Variants in SLC39A11 observed in about 807,000 individuals in gnomAD.
SLC39A11 encodes solute carrier family 39 member 11, also known as zinc transporter ZIP11.
In SLC39A11, 33 loss-of-function variants were observed where a neutral mutation model predicts 36.1. The ratio of observed to expected loss-of-function variants is 0.91; its 90% CI spans 0.69 to 1.22. The LOEUF (loss-of-function observed/expected upper bound fraction) is 1.22. Among genes scored for constraint, SLC39A11 ranks in the 50% most tolerant of loss-of-function variants. The pLI is 0.00. For missense variants in SLC39A11, 432 were observed against 430.3 expected, an observed-to-expected ratio of 1.00 and a Z score of -0.03; for synonymous variants, 166 against 170.3, an observed-to-expected ratio of 0.97 and a Z score of 0.20.
rs188622069 is a variant in SLC39A11, at chr17:73,091,358, C to T, written c.-12+1253G>A. ...CTCGGGAGGCTGAGGCAGGAGTAAT[C>T]GCTTGAACCCGGGAGGCGGAGGTTG... On this transcript the variant is annotated intron_variant, in intron 1 of 9. Transcript: ENST00000255559. Among the ~76,000 whole-genome samples the T allele has an allele frequency of 8.7e-3, 1,323 of 152,114 alleles. 14 individuals are homozygous for T. The highest frequency in any genetic ancestry group is 0.013 in the Non-Finnish European group (882 of 67,986).
intron 3 of SLC39A11, chr17:73,068,089 A>T: frequency 6.9e-7 from 1 of 1,442,626 alleles, no homozygotes; most frequent in South Asian, 1.1e-5. Context: ...TTGTTTTCAT[A>T]ATAGGAGTAT....
At chr17:72,766,279 T>C (rs1389225943) in intron 6 of SLC39A11, among the ~76,000 whole-genome samples, 1 of 152,162 alleles carries the variant, frequency 6.6e-6, no homozygotes, top group Non-Finnish European at 1.5e-5. Flanking sequence ...TAAGTTGCGC[T>C]ATGGGTGGAA....
intron 4 of SLC39A11, among the ~76,000 whole-genome samples, chr17:72,971,024 G>A (rs957122446): frequency 3.3e-5 from 5 of 152,094 alleles, no homozygotes; most frequent in Admixed American, 6.5e-5. Context: ...TTCCTTATGC[G>A]GCCGGATGTT....
intron 4 of SLC39A11, among the ~76,000 whole-genome samples, chr17:73,020,999 G>C (rs948082453): frequency 4.6e-5 from 7 of 152,002 alleles, no homozygotes; most frequent in Non-Finnish European, 8.8e-5. Flanking sequence ...ACAATGCTTT[G>C]GCTTTCCAGT....
chr17:72,821,117 G>T (rs1375392053), intron 6 of SLC39A11, among the ~76,000 whole-genome samples: 1 of 150,800 alleles, frequency 6.6e-6, no homozygotes, highest in Non-Finnish European at 1.5e-5. Flanking sequence ...TTGGAAACTG[G>T]GTGGTTCGCA....
chr17:73,088,796 G>T (rs1417054279), intron 1 of SLC39A11, 21 bp from the exon 2 acceptor site: 2 of 1,546,974 alleles, frequency 1.3e-6, no homozygotes, highest in African/African-American at 1.4e-5. Flanking sequence ...GGAGCGAGAG[G>T]GTCAGCCACC....
At chr17:72,766,504 T>C (rs1170746532) in intron 6 of SLC39A11, among the ~76,000 whole-genome samples, 1 of 152,218 alleles carries the variant, frequency 6.6e-6, no homozygotes, top group Non-Finnish European at 1.5e-5. Flanking sequence ...TCCTGGCTTG[T>C]AGCCACCTGG....
At chr17:72,670,675 C>G (rs916696974) in intron 7 of SLC39A11, among the ~76,000 whole-genome samples, 4 of 152,200 alleles carry the variant, frequency 2.6e-5, no homozygotes, top group Non-Finnish European at 5.9e-5. Context: ...ATTGTTCCAG[C>G]TTTGGCCATT....
intron 6 of SLC39A11, among the ~76,000 whole-genome samples, chr17:72,790,366 C>T (rs1182830531): frequency 6.6e-6 from 1 of 152,174 alleles, no homozygotes; most frequent in East Asian, 1.9e-4. Flanking sequence ...CAGTGCTCAT[C>T]TGAACAACAA....
In SLC39A11 at chr17:73,084,854, T is replaced by G. The variant is rs1383000699; in HGVS notation, c.109-8A>C. ...TCCATCTAAGATCCGCCTCTGAAAA[T>G]CAAAACAAGATGTTTCAGTTTCCAA... On this transcript the variant is annotated splice_polypyrimidine_tract_variant and splice_region_variant and intron_variant, in intron 2 of 9. Transcript: ENST00000255559. The G allele has an allele frequency of 6.2e-7, 1 of 1,613,778 alleles. No homozygotes were observed. Among genetic ancestry groups the G allele is most frequent in the Non-Finnish European group, 8.5e-7 (1 of 1,179,914 alleles).
intron 3 of SLC39A11, among the ~76,000 whole-genome samples, chr17:73,079,960 C>T (rs976714421): frequency 6.6e-6 from 1 of 152,086 alleles, no homozygotes; most frequent in Non-Finnish European, 1.5e-5. Flanking sequence ...AAGACCTCTA[C>T]AAGGACTGCT....
At chr17:72,687,458 T>A (rs1241541122) in intron 7 of SLC39A11, among the ~76,000 whole-genome samples, 3 of 152,196 alleles carry the variant, frequency 2.0e-5, no homozygotes, top group Admixed American at 6.5e-5. Context: ...TTAGCCAGGA[T>A]GGTCTCGATC....
chr17:72,967,004 G>GT (rs2087035762), intron 4 of SLC39A11, among the ~76,000 whole-genome samples: 1 of 152,128 alleles, frequency 6.6e-6, no homozygotes, highest in African/African-American at 2.4e-5. Context: ...AAGGATCTAG[G>GT]TTGCGCGTTC....
chr17:72,871,056 G>GTTTTTTTTTT (rs34776144), intron 5 of SLC39A11, among the ~76,000 whole-genome samples: 9 of 124,282 alleles, frequency 7.2e-5, no homozygotes, highest in African/African-American at 1.2e-4. Flanking sequence ...TTTTGTTTTT[G>GTTTTTTTTTT]TTTTTTTTTT....
intron 6 of SLC39A11, among the ~76,000 whole-genome samples, chr17:72,759,693 GA>G (rs1314252720): frequency 4.0e-5 from 6 of 151,830 alleles, no homozygotes; most frequent in African/African-American, 1.5e-4. Flanking sequence ...AAATTCATGA[GA>G]AAAGCACAAA....
At chr17:72,765,057 G>A (rs2075716049) in intron 6 of SLC39A11, among the ~76,000 whole-genome samples, 1 of 152,164 alleles carries the variant, frequency 6.6e-6, no homozygotes, top group African/African-American at 2.4e-5. Flanking sequence ...AACTACCTTT[G>A]TAAAGCTAGT....
chr17:73,045,229 A>G (rs2059240676), intron 3 of SLC39A11, among the ~76,000 whole-genome samples: 1 of 151,690 alleles, frequency 6.6e-6, no homozygotes, highest in Non-Finnish European at 1.5e-5. Context: ...ACCCAAAGGG[A>G]CCTCCCAGCA....
intron 6 of SLC39A11, among the ~76,000 whole-genome samples, chr17:72,797,410 T>A (rs892334453): frequency 6.6e-6 from 1 of 151,784 alleles, no homozygotes; most frequent in Non-Finnish European, 1.5e-5. Flanking sequence ...GGCACTTGAG[T>A]GTCTCTCCTT....
intron 4 of SLC39A11, among the ~76,000 whole-genome samples, chr17:72,965,744 C>T (rs754599698): frequency 3.9e-5 from 6 of 152,140 alleles, no homozygotes; most frequent in Non-Finnish European, 7.3e-5. Flanking sequence ...GGAAAAGATA[C>T]CAGGATGGAA....
Sources: gnomAD v4.1 joint callset for allele counts (sites outside exome capture counted in the v4.1 genomes callset) on GRCh38, gnomAD v4.1.1 for gene constraint, MANE v1.5 for transcripts, NCBI Gene and HGNC (gene_info 2026-07-23, HGNC 2026-07-21) for gene names.